The following SLC16A6 variants were observed in gnomAD, a reference collection of about 807,000 sequenced individuals.
SLC16A6 encodes monocarboxylate transporter 7.
A neutral mutation model predicts 33.8 loss-of-function variants in SLC16A6; 15 were observed. The ratio of observed to expected loss-of-function variants is 0.44; its 90% CI spans 0.30 to 0.68. The LOEUF (loss-of-function observed/expected upper bound fraction) is 0.68, where lower values mean the gene tolerates loss of function less well. Among genes scored for constraint, SLC16A6 ranks in the 30% least tolerant of loss-of-function variants. The pLI is 0.10. For missense variants in SLC16A6, 451 were observed against 661.5 expected (o/e 0.68, Z 3.49); for synonymous variants, 219 against 248.4 (o/e 0.88, Z 1.11).
intron 1 of SLC16A6, among the ~76,000 whole-genome samples, chr17:68,286,540 T>G (rs2075846293): frequency 6.6e-6 from 1 of 152,176 alleles, no homozygotes; most frequent in African/African-American, 2.4e-5. Context: ...AGTCTTGCTA[T>G]GTCACCTAGG....
intron 1 of SLC16A6, among the ~76,000 whole-genome samples, chr17:68,279,526 T>C (rs953643880): frequency 4.6e-5 from 7 of 152,186 alleles, no homozygotes; most frequent in Non-Finnish European, 8.8e-5. Context: ...TACATGATGA[T>C]ACTCTAGAAT....
At chr17:68,281,495 A>T (rs1165284411) in intron 1 of SLC16A6, among the ~76,000 whole-genome samples, 1 of 152,164 alleles carries the variant, frequency 6.6e-6, no homozygotes, top group Non-Finnish European at 1.5e-5. Flanking sequence ...GACTCACTTG[A>T]ACCTGGGAGG....
At chr17:68,284,103 CAAAAAAAAAAA>C (rs1189737736) in intron 1 of SLC16A6, among the ~76,000 whole-genome samples, 1 of 56,516 alleles carries the variant, frequency 1.8e-5, no homozygotes, top group African/African-American at 6.4e-5. Flanking sequence ...GACTCTGTCT[CAAAAAAAAAAA>C]AAAAAAAAAA....
chr17:68,270,921 C>G lies in SLC16A6; in HGVS notation c.1239G>C (p.Val413=). ...CTGCAGAAGACATCTTCTCAATGCC[C>G]ACGACATCATCCTCAGCAAGCAGTG... is the stretch of plus-strand genomic sequence containing the variant. ...HIPLLAEDDV[V]GIEKMSSAAG... is the part of the protein sequence containing the mutation. Residue 413 remains valine, a synonymous_variant, in exon 5 of 6, where the codon GTG becomes GTC. Coordinates refer to ENST00000580666, the MANE Select transcript of SLC16A6 (RefSeq NM_004694.5). 6.2e-7 allele frequency: 1 copy of G among 1,614,188 alleles called. No individual in the cohort carries two copies. Among genetic ancestry groups the G allele is most frequent in the Non-Finnish European group, 8.5e-7 (1 of 1,180,044 alleles).
chr17:68,283,592 G>A (rs1200179337), intron 1 of SLC16A6, among the ~76,000 whole-genome samples: 2 of 151,972 alleles, frequency 1.3e-5, no homozygotes, highest in Admixed American at 1.3e-4. Context: ...AAGCTGAGGC[G>A]GGTGGATCAC....
intron 1 of SLC16A6, among the ~76,000 whole-genome samples, chr17:68,284,537 C>T (rs2075798877): frequency 6.6e-6 from 1 of 152,094 alleles, no homozygotes; most frequent in Non-Finnish European, 1.5e-5. Context: ...GTCAAAGTTA[C>T]TAAGGCAAAG....
rs368706585 is a variant in SLC16A6 at position 68,274,031 on chromosome 17, C to T, written c.272G>A (p.Arg91His). Residue 91 changes from arginine (R) to histidine (H), a missense_variant, in exon 3 of 6, where the codon CGT becomes CAT. Transcript: ENST00000580666. ...TAGCCCCCCCAACATCACTACCAGA[C>T]GGTGTCCGAAACGATTGCTCAGGAC... ...ATVLSNRFGH[R>H]LVVMLGGLLV... 46 of 1,614,002 alleles carry T rather than the reference C, an allele frequency of 2.9e-5. 1 individual carries two copies. The highest frequency in any genetic ancestry group is 6.7e-5 in the African/African-American group (5 of 74,902).
chr17:68,273,369 C>A (rs141560525), intron 3 of SLC16A6, among the ~76,000 whole-genome samples: 3 of 152,122 alleles, frequency 2.0e-5, no homozygotes, highest in African/African-American at 7.2e-5. Flanking sequence ...ACCACAGGCA[C>A]GCACCACCAC....
chr17:68,278,363 A>G (rs1412703604), intron 1 of SLC16A6, 36 bp from the exon 2 acceptor site: 2 of 1,382,722 alleles, frequency 1.4e-6, no homozygotes, highest in African/African-American at 1.4e-5. Flanking sequence ...CAGATCAGCA[A>G]TAGCATGAGG....
chr17:68,281,527 A>T (rs1555752815), intron 1 of SLC16A6, among the ~76,000 whole-genome samples: 1 of 152,192 alleles, frequency 6.6e-6, no homozygotes, highest in African/African-American at 2.4e-5. Flanking sequence ...GTGAGCCGAG[A>T]TCGTGCCACT....
At position 68,267,353 on chromosome 17, in the gene SLC16A6, C is replaced by T. The variant is rs1555746728; in HGVS notation, c.*1743G>A. ...CAGTGACAGAGATTTGCTACATCCA[C>T]CTTGTTTTAGATTATGCCTGTTTTT... On this transcript the variant is annotated 3_prime_UTR_variant, in exon 6 of 6. Transcript: ENST00000580666. The T allele has an allele frequency of 6.6e-6, 1 of 152,192 alleles. No homozygotes were observed. The highest frequency in any genetic ancestry group is 1.5e-5 in the Non-Finnish European group (1 of 68,028). The allele number at this position is 152,192 out of a possible 1,614,324, so 9.4% of individuals were successfully genotyped here.
chr17:68,280,625 C>T (rs781806586), intron 1 of SLC16A6, among the ~76,000 whole-genome samples: 1 of 152,174 alleles, frequency 6.6e-6, no homozygotes, highest in Non-Finnish European at 1.5e-5. Flanking sequence ...TCACCCTATA[C>T]AACAATCAAC....
At chr17:68,285,733 G>C (rs1380680619) in intron 1 of SLC16A6, 1 of 152,162 alleles carries the variant, frequency 6.6e-6, no homozygotes, top group South Asian at 2.1e-4. Flanking sequence ...CAAGTGGCTA[G>C]GACTATAGGT....
chr17:68,282,064 C>G (rs1222646366), intron 1 of SLC16A6, among the ~76,000 whole-genome samples: 2 of 152,062 alleles, frequency 1.3e-5, no homozygotes, highest in African/African-American at 4.8e-5. Context: ...ATGTTTATTG[C>G]GGCACTATTC....
intron 5 of SLC16A6, among the ~76,000 whole-genome samples, chr17:68,269,728 C>A (rs532762782): frequency 7.8e-6 from 1 of 127,542 alleles, no homozygotes; most frequent in Non-Finnish European, 1.5e-5. Context: ...AGGTGGAGTG[C>A]GATGGTGCAA....
At chr17:68,285,824 G>T (rs1555754178) in intron 1 of SLC16A6, among the ~76,000 whole-genome samples, 3 of 151,754 alleles carry the variant, frequency 2.0e-5, no homozygotes, top group African/African-American at 7.3e-5. Context: ...GCAGTGGCAT[G>T]ATTTCGGCTC....
chr17:68,272,794 A>G lies in SLC16A6; in HGVS notation c.377-27T>C, dbSNP rs782775052. Reference sequence around the variant, plus strand: ...TGTGAAAGAAAAGTCAAAAAAGCCAATGAGACCCACATACTGCTTGAGACT... The same window carrying G: ...TGTGAAAGAAAAGTCAAAAAAGCCAGTGAGACCCACATACTGCTTGAGACT... On this transcript the variant is annotated intron_variant, in intron 3 of 5. Coordinates refer to ENST00000580666, the MANE Select transcript of SLC16A6 (RefSeq NM_004694.5). The G allele has an allele frequency of 2.5e-5, 40 of 1,612,450 alleles. No homozygotes were observed. The South Asian group carries it at 2.6e-4, about 11-fold the overall frequency.
chr17:68,275,144 G>A (rs782804308), intron 2 of SLC16A6, among the ~76,000 whole-genome samples: 5 of 152,186 alleles, frequency 3.3e-5, no homozygotes, highest in African/African-American at 9.7e-5. Flanking sequence ...AAGGAGAGTT[G>A]CTATGGGATA....
chr17:68,271,368 G>A lies in SLC16A6; in HGVS notation c.792C>T (p.Asp264=), dbSNP rs782416591. ...HTNLELEPKA[D]MQQVLVKTSP... ...TGGTCTTCACCAGGACCTGCTGCAT[G>A]TCGGCCTTCGGCTCCAGTTCCAGGT... The change falls in exon 5 of 6, where the codon GAC becomes GAT. Residue 264 remains aspartate, a synonymous_variant. Coordinates refer to ENST00000580666, the MANE Select transcript of SLC16A6 (RefSeq NM_004694.5). The surrounding 1 kb of genome is among the most constrained non-coding windows in gnomAD (Gnocchi z 5.3). The A allele has an allele frequency of 1.9e-6, 3 of 1,614,252 alleles. No individual in the cohort carries two copies. Among genetic ancestry groups the A allele is most frequent in the Non-Finnish European group, 2.5e-6 (3 of 1,180,052 alleles).
Sources: gnomAD v4.1 joint callset for allele counts (sites outside exome capture counted in the v4.1 genomes callset) on GRCh38, gnomAD v4.1.1 for gene constraint, Gnocchi (gnomAD v3.1) non-coding constraint, MANE v1.5 for transcripts, NCBI Gene and HGNC (gene_info 2026-07-23, HGNC 2026-07-21) for gene names.